Variants in MACROD2 observed in about 807,000 individuals in gnomAD.
MACROD2 encodes mono-ADP ribosylhydrolase 2.
A neutral mutation model predicts 70.4 loss-of-function variants in MACROD2; 36 were observed. That is an observed-to-expected ratio of 0.51 (90% confidence interval 0.39 to 0.68). The LOEUF (loss-of-function observed/expected upper bound fraction) is 0.68, where lower values mean the gene tolerates loss of function less well. Ranked by LOEUF, MACROD2 falls within the 30% of genes least tolerant of loss-of-function variation. The pLI is 0.00. For missense variants in MACROD2, 496 were observed against 538.4 expected (o/e 0.92, Z 0.78); for synonymous variants, 172 against 178.8 (o/e 0.96, Z 0.30).
chr20:14,031,661 CAAAG>C (rs1363789385), intron 2 of MACROD2, among the ~76,000 whole-genome samples: 4 of 151,786 alleles, frequency 2.6e-5, no homozygotes, highest in East Asian at 1.9e-4. Flanking sequence ...TTTTATAAAA[CAAAG>C]AAATACATCA....
intron 5 of MACROD2, among the ~76,000 whole-genome samples, chr20:14,850,662 G>A (rs1424205204): frequency 1.3e-5 from 2 of 152,040 alleles, no homozygotes; most frequent in South Asian, 2.1e-4. Context: ...GATGCCACTG[G>A]TACCTCTAAA....
intron 5 of MACROD2, among the ~76,000 whole-genome samples, chr20:14,950,146 G>A (rs2073908206): frequency 6.6e-6 from 1 of 152,066 alleles, no homozygotes; most frequent in African/African-American, 2.4e-5. Flanking sequence ...TGAAAACGTG[G>A]GGCCAGGTTG....
At position 15,052,116 on chromosome 20, in the gene MACROD2, T is replaced by C. The variant is rs73093971; in HGVS notation, c.419-177824T>C. Among the ~76,000 whole-genome samples the C allele has an allele frequency of 9.4e-3, 1,435 of 152,318 alleles. 5 individuals are homozygous for C. Among genetic ancestry groups the C allele is most frequent in the Non-Finnish European group, 0.015 (1,045 of 68,016 alleles). ...AAATCACCTGACTGAGTTCCTTCTC[T>C]GTGCTCATTCTGTGCTTGCTGCATT... On this transcript the variant is annotated intron_variant, in intron 5 of 17. Coordinates refer to ENST00000684519, the MANE Select transcript of MACROD2 (RefSeq NM_001351661.2).
intron 8 of MACROD2, among the ~76,000 whole-genome samples, chr20:15,708,408 A>G (rs757710351): frequency 3.9e-5 from 6 of 152,140 alleles, no homozygotes; most frequent in Non-Finnish European, 8.8e-5. Flanking sequence ...GATGCAACTG[A>G]GGGATGTGAG....
At chr20:15,817,176 C>T (rs911221035) in intron 8 of MACROD2, among the ~76,000 whole-genome samples, 3 of 152,190 alleles carry the variant, frequency 2.0e-5, no homozygotes, top group African/African-American at 7.2e-5. Context: ...AGAGGGAATG[C>T]TTCAAGTACT....
intron 13 of MACROD2, among the ~76,000 whole-genome samples, chr20:15,985,164 A>G (rs1025700569): frequency 6.6e-6 from 1 of 152,122 alleles, no homozygotes; most frequent in African/African-American, 2.4e-5. Context: ...TTTTTAACAT[A>G]GTTCCTAGTA....
At chr20:15,675,186 C>G (rs939151553) in intron 8 of MACROD2, among the ~76,000 whole-genome samples, 6 of 152,136 alleles carry the variant, frequency 3.9e-5, no homozygotes, top group African/African-American at 1.4e-4. Context: ...GAAGTTTTTG[C>G]CAATAAATTA....
At chr20:14,387,522 C>T (rs1376821580) in intron 3 of MACROD2, among the ~76,000 whole-genome samples, 1 of 152,200 alleles carries the variant, frequency 6.6e-6, no homozygotes, top group Non-Finnish European at 1.5e-5. Context: ...GTTCCTTTGA[C>T]AGCTGCTTTA....
chr20:15,361,036 T>C (rs191635238), intron 6 of MACROD2, among the ~76,000 whole-genome samples: 123 of 152,206 alleles, frequency 8.1e-4, no homozygotes, highest in Non-Finnish European at 1.4e-3. Context: ...ATAGGGTCTT[T>C]CACAGAGCAA....
intron 3 of MACROD2, among the ~76,000 whole-genome samples, chr20:14,267,482 C>T (rs1474762565): frequency 6.6e-6 from 1 of 151,960 alleles, no homozygotes; most frequent in Non-Finnish European, 1.5e-5. Context: ...AAAATAACAA[C>T]AAAAACTAAT....
chr20:15,967,745 A>AAGTGTTATTGGAATT, intron 13 of MACROD2, 115 bp downstream of exon 13: 1 of 868,456 alleles, frequency 1.2e-6, no homozygotes, highest in Non-Finnish European at 1.7e-6. Flanking sequence ...AATTCCAATA[A>AAGTGTTATTGGAATT]CACTTTATTA....
At chr20:15,038,904 T>C (rs935780842) in intron 5 of MACROD2, among the ~76,000 whole-genome samples, 2 of 152,182 alleles carry the variant, frequency 1.3e-5, no homozygotes, top group African/African-American at 2.4e-5. Context: ...CACACAAATA[T>C]ACCGGCAAAG....
At chr20:14,385,452 C>T (rs1248621933) in intron 3 of MACROD2, among the ~76,000 whole-genome samples, 2 of 152,068 alleles carry the variant, frequency 1.3e-5, no homozygotes, top group Admixed American at 6.5e-5. Flanking sequence ...GTATCAACGT[C>T]GGGCTATCCT....
intron 5 of MACROD2, among the ~76,000 whole-genome samples, chr20:14,949,069 T>C (rs2074455588): frequency 6.6e-6 from 1 of 152,190 alleles, no homozygotes; most frequent in African/African-American, 2.4e-5. Flanking sequence ...ATGTACACTT[T>C]TCACTTCGAT....
rs2048423136 is a variant in MACROD2, at chr20:15,574,867, T to A, written c.645+75020T>A. 2.6e-5 allele frequency among the ~76,000 whole-genome samples: 4 copies of A among 152,224 alleles called. No individual in the cohort carries two copies. In the South Asian group the frequency reaches 8.3e-4, roughly 32 times the overall value. ...TTCTTTTGCTAGTCGCTTCATTTTC[T>A]TCTAATTTAACAAGGTCATGTATGA... On this transcript the variant is annotated intron_variant, in intron 8 of 17. Coordinates refer to ENST00000684519, the MANE Select transcript of MACROD2 (RefSeq NM_001351661.2).
chr20:15,261,982 T>C (rs2146046793), intron 6 of MACROD2, among the ~76,000 whole-genome samples: 1 of 152,166 alleles, frequency 6.6e-6, no homozygotes, highest in Non-Finnish European at 1.5e-5. Flanking sequence ...AGGCATACAA[T>C]GTATAATACT....
intron 5 of MACROD2, among the ~76,000 whole-genome samples, chr20:14,977,044 T>A (rs2074746476): frequency 6.6e-6 from 1 of 152,194 alleles, no homozygotes; most frequent in African/African-American, 2.4e-5. Flanking sequence ...AAGATGTCAC[T>A]TCTTGGCTGA....
intron 8 of MACROD2, among the ~76,000 whole-genome samples, chr20:15,823,275 C>CAT (rs1423703254): frequency 1.6e-5 from 2 of 128,644 alleles, no homozygotes; most frequent in African/African-American, 6.2e-5. Context: ...GTGAGCTCTT[C>CAT]GTGTGTGTGT....
At chr20:15,671,842 C>A (rs2049983940) in intron 8 of MACROD2, among the ~76,000 whole-genome samples, 1 of 152,198 alleles carries the variant, frequency 6.6e-6, no homozygotes, top group Non-Finnish European at 1.5e-5. Context: ...AATTTGCAGC[C>A]ACTGCTACAG....
Sources: allele counts gnomAD v4.1 joint callset (sites outside exome capture counted in the v4.1 genomes callset), GRCh38; gene constraint gnomAD v4.1.1; transcripts MANE v1.5; gene names NCBI Gene and HGNC (gene_info 2026-07-23, HGNC 2026-07-21).